The following CNNM1 variants were observed in gnomAD, a reference collection of about 807,000 sequenced individuals.
The protein encoded by CNNM1 is metal transporter CNNM1.
Under a neutral mutation model 78.8 loss-of-function variants are expected in CNNM1, and 44 were observed. That is an observed-to-expected ratio of 0.56 (90% CI 0.44 to 0.72). The LOEUF is 0.72. Ranked by LOEUF, CNNM1 falls within the 30% of genes least tolerant of loss-of-function variation. CNNM1 has a pLI of 0.00. For synonymous variants in CNNM1, 584 were observed against 581.5 expected (o/e 1.00, Z -0.06); for missense variants, 1,101 against 1,292.2 (o/e 0.85, Z 2.27).
chr10:99,350,315 A>G (rs2030892896), intron 1 of CNNM1, among the ~76,000 whole-genome samples: 1 of 152,256 alleles, frequency 6.6e-6, no homozygotes, highest in Non-Finnish European at 1.5e-5. Flanking sequence ...CCATAAAACC[A>G]TAAAACGATT....
chr10:99,331,333 C>G (rs1378318279), intron 1 of CNNM1, among the ~76,000 whole-genome samples: 1 of 152,228 alleles, frequency 6.6e-6, no homozygotes, highest in Non-Finnish European at 1.5e-5. Flanking sequence ...GGTTCCCATA[C>G]AAGCAGCCTT....
chr10:99,382,262 G>A (rs1426688694), intron 7 of CNNM1, among the ~76,000 whole-genome samples: 1 of 152,168 alleles, frequency 6.6e-6, no homozygotes, highest in East Asian at 1.9e-4. Context: ...CATGATTAAT[G>A]GTAGTTAATA....
At chr10:99,376,998 C>G (rs1372066674) in intron 6 of CNNM1, 57 bp from the exon 7 acceptor site, 3 of 1,272,484 alleles carry the variant, frequency 2.4e-6, no homozygotes, top group South Asian at 1.3e-5. Flanking sequence ...CCTCCCTCCC[C>G]CTTCTTCCTC....
At chr10:99,349,874 C>A (rs1004910704) in intron 1 of CNNM1, among the ~76,000 whole-genome samples, 2 of 152,100 alleles carry the variant, frequency 1.3e-5, no homozygotes, top group Non-Finnish European at 2.9e-5. Flanking sequence ...TGGCGTGTGC[C>A]TGTAGTCCCA....
At chr10:99,369,818 C>T (rs140588906) in intron 6 of CNNM1, among the ~76,000 whole-genome samples, 3 of 152,204 alleles carry the variant, frequency 2.0e-5, no homozygotes, top group African/African-American at 7.2e-5. Flanking sequence ...CAATCTGGTG[C>T]CCTCACCAGC....
rs1418663719 is a variant in CNNM1 at position 99,330,242 on chromosome 10, C to T, written c.855C>T (p.Thr285=). Residue 285 remains threonine, a synonymous_variant, in exon 1 of 11, where the codon ACC becomes ACT. Coordinates refer to ENST00000356713, the MANE Select transcript of CNNM1 (RefSeq NM_020348.3). The part of the protein sequence containing the change: ...VRGRGTHLLC[T]LLLGQAGANA... ...GCAGGGGGACCCATCTGCTCTGCAC[C>T]CTACTCCTGGGCCAAGCCGGAGCCA... The T allele has an allele frequency of 6.5e-7, 1 of 1,542,170 alleles. No individual in the cohort carries two copies. Among genetic ancestry groups the T allele is most frequent in the Non-Finnish European group, 8.7e-7 (1 of 1,145,566 alleles).
At chr10:99,382,207 G>A (rs931852672) in intron 7 of CNNM1, among the ~76,000 whole-genome samples, 3 of 152,206 alleles carry the variant, frequency 2.0e-5, no homozygotes, top group African/African-American at 7.2e-5. Context: ...AAATGAGATA[G>A]AAAGGTGCAT....
chr10:99,329,934 C>T lies in CNNM1; in HGVS notation c.547C>T (p.Leu183Phe). 2 of 1,385,402 alleles carry T rather than the reference C, an allele frequency of 1.4e-6. No homozygotes were observed. Among genetic ancestry groups the T allele is most frequent in the Non-Finnish European group, 1.9e-6 (2 of 1,079,564 alleles). 85.8% of individuals were successfully genotyped at this position (1,385,402 alleles called of 1,614,324 possible). ...ERGGAGGGGKLFSLCAWDGRA... is the reference protein window; with the variant it reads ...ERGGAGGGGKFFSLCAWDGRA... ...GGGCGGCGCGGGCGGTGGCGGGAAGCTCTTTTCACTCTGCGCCTGGGATGG... is the reference window on the plus strand; with the variant it reads ...GGGCGGCGCGGGCGGTGGCGGGAAGTTCTTTTCACTCTGCGCCTGGGATGG... The change falls in exon 1 of 11, where the codon CTC becomes TTC. Residue 183 changes from leucine to phenylalanine, a missense_variant. Physicochemically the swap from Leu to Phe is conservative, Grantham distance 22 (BLOSUM62 0). This residue lies in a region of CNNM1 where 476 missense variants were observed against 484.5 expected (regional missense o/e 0.98). Transcript: ENST00000356713.
At position 99,360,723 on chromosome 10, in the gene CNNM1, C is replaced by A. The variant is rs917186484; in HGVS notation, c.1718-112C>A. 4.5e-6 allele frequency: 6 copies of A among 1,342,934 alleles called. No individual in the cohort carries two copies. The African/African-American group carries it at 7.3e-5, about 16-fold the overall frequency. The allele number at this position is 1,342,934 out of a possible 1,614,324, so 83.2% of individuals were successfully genotyped here. ...CTTCCTGGGTGATATTGTGATGTCA[C>A]CCATAGTTGACACTGCAGAAATGTT... On this transcript the variant is annotated intron_variant, in intron 2 of 10. Transcript: ENST00000356713.
chr10:99,336,228 C>A (rs1279662741), intron 1 of CNNM1, among the ~76,000 whole-genome samples: 1 of 152,190 alleles, frequency 6.6e-6, no homozygotes, highest in South Asian at 2.1e-4. Context: ...CACCTAACAT[C>A]GTCCTAAGGC....
chr10:99,340,968 A>G (rs1001224540), intron 1 of CNNM1, among the ~76,000 whole-genome samples: 3 of 151,434 alleles, frequency 2.0e-5, no homozygotes, highest in African/African-American at 7.3e-5. Context: ...TGCAGTGTGG[A>G]CAAGACAGAC....
At position 99,377,098 on chromosome 10, in the gene CNNM1, G is replaced by A; in HGVS notation, c.2220G>A (p.Glu740=). The A allele has an allele frequency of 6.3e-7, 1 of 1,595,350 alleles. No homozygotes were observed. Among genetic ancestry groups the A allele is most frequent in the Non-Finnish European group, 8.5e-7 (1 of 1,171,042 alleles). The change falls in exon 7 of 11, where the codon GAG becomes GAA. Residue 740 remains glutamate, a synonymous_variant. Transcript: ENST00000356713. The part of the protein sequence containing the change: ...PSRCSGLNRS[E]SPNRERSDFG... ...GCTGCAGTGGGTTGAATCGCTCTGA[G>A]TCTCCAAACCGAGAGCGCAGTGACT...
At chr10:99,389,287 G>C (rs186223123) in intron 9 of CNNM1, among the ~76,000 whole-genome samples, 1 of 151,908 alleles carries the variant, frequency 6.6e-6, no homozygotes, top group Non-Finnish European at 1.5e-5. Context: ...TGTGGTGGTG[G>C]GTGCCTGTAA....
intron 7 of CNNM1, among the ~76,000 whole-genome samples, chr10:99,378,378 C>G (rs2032042122): frequency 6.6e-6 from 1 of 152,194 alleles, no homozygotes; most frequent in South Asian, 2.1e-4. Context: ...AGCTGTTGCA[C>G]AGTTGCAGGC....
chr10:99,357,183 A>C (rs1892508), intron 1 of CNNM1, among the ~76,000 whole-genome samples: 101,346 of 151,976 alleles, frequency 0.67, 34,584 homozygotes, highest in South Asian at 0.78. Context: ...CATAATTCTG[A>C]CTCTAAATTC....
chr10:99,349,775 C>T lies in CNNM1; in HGVS notation c.1574-7737C>T, dbSNP rs778640575. Among the ~76,000 whole-genome samples the T allele has an allele frequency of 9.3e-4, 141 of 152,216 alleles. 1 individual carries two copies. Among genetic ancestry groups the T allele is most frequent in the Admixed American group, 1.8e-3 (27 of 15,294 alleles). ...CAGCACTTTGGGAGGCTGAGGTGGG[C>T]GGATCATGAGGTCAGGAGATCGAGA... On this transcript the variant is annotated intron_variant, in intron 1 of 10. Coordinates refer to ENST00000356713, the MANE Select transcript of CNNM1 (RefSeq NM_020348.3).
At position 99,358,760 on chromosome 10, in the gene CNNM1, C is replaced by T. The variant is rs561292791; in HGVS notation, c.1717+1105C>T. On this transcript the variant is annotated intron_variant, in intron 2 of 10. Transcript: ENST00000356713. ...CGAGCTCGGAAATGTCCTCTCCCTC[C>T]CCCACCTCTGCCTGCCACTCTTGAT... 3.5e-3 allele frequency among the ~76,000 whole-genome samples: 530 copies of T among 152,142 alleles called. 3 individuals are homozygous for T. The highest frequency in any genetic ancestry group is 5.9e-3 in the Non-Finnish European group (400 of 67,988).
intron 6 of CNNM1, among the ~76,000 whole-genome samples, chr10:99,375,422 G>A (rs952216470): frequency 2.0e-5 from 3 of 152,152 alleles, no homozygotes; most frequent in African/African-American, 2.4e-5. Context: ...CTGAGGGAGC[G>A]GCAGGAGTCA....
In CNNM1 at chr10:99,391,688, C is replaced by A; in HGVS notation, c.*172C>A. ...TTTGGCAGATTTTCCCTCGTTACCT[C>A]CAGTTCGACTCAGAACCTTGACATG... On this transcript the variant is annotated 3_prime_UTR_variant, in exon 11 of 11. Transcript: ENST00000356713. 1 of 592,600 alleles carries A rather than the reference C, an allele frequency of 1.7e-6. No individual in the cohort carries two copies. Among genetic ancestry groups the A allele is most frequent in the South Asian group, 2.0e-5 (1 of 49,468 alleles). 36.7% of individuals were successfully genotyped at this position (592,600 alleles called of 1,614,324 possible).
Sources: allele counts gnomAD v4.1 joint callset (sites outside exome capture counted in the v4.1 genomes callset), GRCh38; gene constraint gnomAD v4.1.1; regional missense constraint gnomAD v4.1.1; transcripts MANE v1.5; gene names NCBI Gene and HGNC (gene_info 2026-07-23, HGNC 2026-07-21).